The following SUGCT variants were observed in gnomAD, a reference collection of about 807,000 sequenced individuals.
SUGCT encodes the protein succinyl-CoA:glutarate CoA-transferase.
Under a neutral mutation model 55.0 loss-of-function variants are expected in SUGCT, and 41 were observed. The ratio of observed to expected loss-of-function variants is 0.74; its 90% CI spans 0.58 to 0.97. The LOEUF is 0.97. SUGCT is among the 50% of genes least tolerant of loss of function. The pLI is 0.00. For synonymous variants in SUGCT, 187 were observed against 200.4 expected, an observed-to-expected ratio of 0.93 and a Z score of 0.56; for missense variants, 568 against 547.8, an observed-to-expected ratio of 1.04 and a Z score of -0.37.
chr7:40,178,938 A>T (rs928687431), intron 1 of SUGCT, among the ~76,000 whole-genome samples: 16 of 151,104 alleles, frequency 1.1e-4, no homozygotes, highest in Non-Finnish European at 2.4e-4. Context: ...CTTTTATTTT[A>T]TTTTTTTGTT....
the SUGCT span, among the ~76,000 whole-genome samples, chr7:40,898,240 T>G: frequency 6.6e-6 from 1 of 152,062 alleles, no homozygotes; most frequent in African/African-American, 2.4e-5. Flanking sequence ...GTTTCCAGCT[T>G]TCACTCGTGA....
chr7:40,663,210 CTTTG>C (rs1801419402), intron 12 of SUGCT, among the ~76,000 whole-genome samples: 1 of 151,828 alleles, frequency 6.6e-6, no homozygotes, highest in African/African-American at 2.4e-5. Flanking sequence ...GTCTTATGGA[CTTTG>C]TTTAATTTTT....
intron 9 of SUGCT, among the ~76,000 whole-genome samples, chr7:40,386,835 G>A (rs1785154257): frequency 6.6e-6 from 1 of 152,140 alleles, no homozygotes; most frequent in African/African-American, 2.4e-5. Context: ...CTGGAGCTCT[G>A]CAAGAGGAAA....
chr7:40,634,969 G>A (rs532831195), intron 12 of SUGCT, among the ~76,000 whole-genome samples: 16 of 152,186 alleles, frequency 1.1e-4, no homozygotes, highest in East Asian at 1.9e-4. Context: ...TAGATCGAAC[G>A]CAGTTGAAGT....
At chr7:40,202,178 G>A (rs1263086807) in intron 6 of SUGCT, among the ~76,000 whole-genome samples, 3 of 152,114 alleles carry the variant, frequency 2.0e-5, no homozygotes, top group Non-Finnish European at 4.4e-5. Flanking sequence ...TCACCATGTT[G>A]CCCAGGCTGG....
At chr7:40,721,650 A>G (rs1786344518) in intron 12 of SUGCT, among the ~76,000 whole-genome samples, 1 of 152,234 alleles carries the variant, frequency 6.6e-6, no homozygotes, top group African/African-American at 2.4e-5. Flanking sequence ...TTCTTAATTA[A>G]TGGACATACT....
intron 8 of SUGCT, among the ~76,000 whole-genome samples, chr7:40,276,070 C>T (rs1792456008): frequency 6.6e-6 from 1 of 152,090 alleles, no homozygotes; most frequent in Admixed American, 6.5e-5. Flanking sequence ...ATTTTTTCCT[C>T]TTAGGCAAAA....
intron 9 of SUGCT, among the ~76,000 whole-genome samples, chr7:40,395,489 CAAAAAAAAA>C (rs36068766): frequency 8.7e-5 from 4 of 46,132 alleles, no homozygotes; most frequent in African/African-American, 2.9e-4. Context: ...AACTCTGTCT[CAAAAAAAAA>C]AAAAAAAAAA....
At chr7:40,800,584 G>T (rs1021170201) in intron 13 of SUGCT, among the ~76,000 whole-genome samples, 1 of 152,086 alleles carries the variant, frequency 6.6e-6, no homozygotes, top group Non-Finnish European at 1.5e-5. Context: ...GAGCCACCGC[G>T]CCTGGCCCTC....
At chr7:40,696,030 A>G (rs996921419) in intron 12 of SUGCT, among the ~76,000 whole-genome samples, 5 of 152,332 alleles carry the variant, frequency 3.3e-5, no homozygotes, top group South Asian at 4.1e-4. Flanking sequence ...TTACTACTGT[A>G]TACCACCAAC....
At chr7:40,442,721 A>C (rs1788582640) in intron 9 of SUGCT, among the ~76,000 whole-genome samples, 1 of 151,968 alleles carries the variant, frequency 6.6e-6, no homozygotes, top group African/African-American at 2.4e-5. Flanking sequence ...TCTTATAAAA[A>C]GCTCATTTTT....
intron 11 of SUGCT, among the ~76,000 whole-genome samples, chr7:40,461,554 G>C (rs79168015): frequency 0.028 from 4,316 of 152,242 alleles, 152 homozygotes; most frequent in African/African-American, 0.074. Context: ...TAAGATGTTG[G>C]CACCTTTAGG....
chr7:40,589,799 G>A (rs1254469231), intron 12 of SUGCT, among the ~76,000 whole-genome samples: 1 of 152,148 alleles, frequency 6.6e-6, no homozygotes, highest in African/African-American at 2.4e-5. Flanking sequence ...TGGTAAATTT[G>A]TTAATGTTAC....
At chr7:40,987,042 G>A in the SUGCT span, among the ~76,000 whole-genome samples, 56,274 of 152,002 alleles carry the variant, frequency 0.37, 10,512 homozygotes, top group South Asian at 0.42. Flanking sequence ...AAATGATAAG[G>A]CAAGACATTG....
At chr7:40,317,690 AT>A (rs1562674707) in intron 9 of SUGCT, among the ~76,000 whole-genome samples, 1 of 152,190 alleles carries the variant, frequency 6.6e-6, no homozygotes, top group African/African-American at 2.4e-5. Flanking sequence ...AAAAGTCAGC[AT>A]TTTTCATTTG....
At chr7:40,988,351 G>T in the SUGCT span, among the ~76,000 whole-genome samples, 6 of 151,128 alleles carry the variant, frequency 4.0e-5, no homozygotes, top group Non-Finnish European at 2.9e-5. Context: ...GGGAAAGGAA[G>T]TTGGGCTCCT....
chr7:40,385,850 A>C (rs973019107), intron 9 of SUGCT, among the ~76,000 whole-genome samples: 2 of 152,158 alleles, frequency 1.3e-5, no homozygotes, highest in Non-Finnish European at 2.9e-5. Flanking sequence ...AAAACCAATA[A>C]TTTGTGTCAC....
intron 1 of SUGCT, among the ~76,000 whole-genome samples, chr7:40,177,687 C>G (rs1214842969): frequency 6.6e-6 from 1 of 152,116 alleles, no homozygotes; most frequent in Non-Finnish European, 1.5e-5. Context: ...GTGTTGGTAT[C>G]TTCCTTGTTG....
the SUGCT span, among the ~76,000 whole-genome samples, chr7:40,984,850 G>A: frequency 4.9e-3 from 747 of 152,168 alleles, 5 homozygotes; most frequent in African/African-American, 0.017. Flanking sequence ...ACTAAGTTAG[G>A]TCCCTGAAAT....
Sources: gnomAD v4.1 joint callset for allele counts (sites outside exome capture counted in the v4.1 genomes callset) on GRCh38, gnomAD v4.1.1 for gene constraint, MANE v1.5 for transcripts, NCBI Gene and HGNC (gene_info 2026-07-23, HGNC 2026-07-21) for gene names.